The following LPL variants were observed in gnomAD, a reference collection of about 807,000 sequenced individuals.
LPL encodes the protein phospholipase A1.
Under a neutral mutation model 52.2 loss-of-function variants are expected in LPL, and 43 were observed. The observed-to-expected ratio is 0.82, with a 90% CI of 0.64 to 1.06. LPL has a LOEUF of 1.06. LPL is among the 50% of genes least tolerant of loss of function. LPL has a pLI of 0.00. For missense variants in LPL, 639 were observed against 585.3 expected (o/e 1.09, Z -0.95); for synonymous variants, 244 against 215.6 (o/e 1.13, Z -1.15).
chr8:19,948,051 G>A (rs1342742423), intron 1 of LPL, 129 bp from the exon 2 acceptor site: 16 of 958,914 alleles, frequency 1.7e-5, no homozygotes, highest in Non-Finnish European at 2.5e-5. Flanking sequence ...ATCCACATTC[G>A]TTTTCGAAAA....
chr8:19,960,404 G>A (rs2070027520), intron 7 of LPL, among the ~76,000 whole-genome samples: 1 of 152,092 alleles, frequency 6.6e-6, no homozygotes, highest in Non-Finnish European at 1.5e-5. Flanking sequence ...TAGAAACCCA[G>A]TATCCAACAT....
intron 1 of LPL, 122 bp from the exon 2 acceptor site, chr8:19,948,058 A>G (rs2128836950): frequency 2.7e-6 from 3 of 1,095,632 alleles, no homozygotes; most frequent in South Asian, 1.3e-5. Flanking sequence ...TTCGTTTTCG[A>G]AAACACTTCA....
chr8:19,964,506 G>A (rs1364603398), intron 9 of LPL, among the ~76,000 whole-genome samples: 1 of 152,124 alleles, frequency 6.6e-6, no homozygotes, highest in Non-Finnish European at 1.5e-5. Context: ...GACAGAGAAT[G>A]TTCAGATGCG....
At chr8:19,948,695 A>G (rs919722219) in intron 2 of LPL, among the ~76,000 whole-genome samples, 1 of 152,182 alleles carries the variant, frequency 6.6e-6, no homozygotes, top group South Asian at 2.1e-4. Context: ...GCACATTGCC[A>G]GGAGAACCTT....
chr8:19,963,703 G>A (rs920452066), intron 9 of LPL, among the ~76,000 whole-genome samples: 2 of 152,054 alleles, frequency 1.3e-5, no homozygotes, highest in African/African-American at 4.8e-5. Context: ...GAATTATGGT[G>A]TATATACTCT....
chr8:19,964,209 C>T (rs1325130196), intron 9 of LPL, among the ~76,000 whole-genome samples: 1 of 152,134 alleles, frequency 6.6e-6, no homozygotes, highest in Admixed American at 6.5e-5. Flanking sequence ...GCCTCGGCCT[C>T]CCAAAGTGCT....
At chr8:19,947,402 G>C (rs930344499) in intron 1 of LPL, among the ~76,000 whole-genome samples, 5 of 152,082 alleles carry the variant, frequency 3.3e-5, no homozygotes, top group Non-Finnish European at 5.9e-5. Flanking sequence ...CATTTTAAGA[G>C]GCTGAGGCGG....
At chr8:19,943,044 A>T (rs962592782) in intron 1 of LPL, among the ~76,000 whole-genome samples, 1 of 152,226 alleles carries the variant, frequency 6.6e-6, no homozygotes, top group African/African-American at 2.4e-5. Context: ...TGACAGTAGA[A>T]TAGAACAAAG....
rs182193170 is a variant in LPL, at chr8:19,939,378, C to T, written c.-63C>T. 44 of 1,514,108 alleles carry T rather than the reference C, an allele frequency of 2.9e-5. No homozygotes were observed. The highest frequency in any genetic ancestry group is 3.9e-5 in the Non-Finnish European group (43 of 1,114,470). The allele number at this position is 1,514,108 out of a possible 1,614,324, so 93.8% of individuals were successfully genotyped here. A position where few individuals can be genotyped will look rare whatever the true frequency, so the allele number is the denominator to read the frequency against. ...CGCGGCTCCAGCCCTCTCCAGCCTC[C>T]GGCTCAGCCGGCTCATCAGTCGGTC... On this transcript the variant is annotated 5_prime_UTR_variant, in exon 1 of 10. Transcript: ENST00000650287. The surrounding 1 kb of genome is among the most constrained non-coding windows in gnomAD (Gnocchi z 4.0).
chr8:19,958,390 T>C (rs1442930468), intron 6 of LPL, among the ~76,000 whole-genome samples: 2 of 151,822 alleles, frequency 1.3e-5, no homozygotes, highest in Admixed American at 1.3e-4. Context: ...TTTTAACCTC[T>C]CCCCAGGCCC....
intron 1 of LPL, among the ~76,000 whole-genome samples, chr8:19,943,517 C>T (rs1037070801): frequency 6.6e-6 from 1 of 152,194 alleles, no homozygotes; most frequent in African/African-American, 2.4e-5. Flanking sequence ...CATGGACTTT[C>T]ATTGTGTTAG....
At chr8:19,948,464 G>A in intron 2 of LPL, 124 bp downstream of exon 2, 1 of 1,139,856 alleles carries the variant, frequency 8.8e-7, no homozygotes, top group Non-Finnish European at 1.2e-6. Context: ...CCTTACACTT[G>A]AATAAAGACA....
chr8:19,962,390 G>T (rs539761400), intron 9 of LPL, among the ~76,000 whole-genome samples, 171 bp downstream of exon 9: 1 of 152,302 alleles, frequency 6.6e-6, no homozygotes, highest in Admixed American at 6.5e-5. Flanking sequence ...TGGGTCTGTT[G>T]CTTTATGCAA....
At position 19,966,782 on chromosome 8, in the gene LPL, T is replaced by A. The variant is rs916655220; in HGVS notation, c.*1472T>A. 1.3e-5 allele frequency: 2 copies of A among 152,214 alleles called. No homozygotes were observed. The highest frequency in any genetic ancestry group is 4.8e-5 in the African/African-American group (2 of 41,450). The allele number at this position is 152,214 out of a possible 1,614,324, so 9.4% of individuals were successfully genotyped here. ...GAGAGATGATCGTGCCTATAAATAG[T>A]AGGACCAATGTTGTGATTAACATCA... is the stretch of plus-strand genomic sequence containing the variant. On this transcript the variant is annotated 3_prime_UTR_variant, in exon 10 of 10. Transcript: ENST00000650287.
rs2070034219 is a variant in LPL at position 19,961,070 on chromosome 8, G to A, written c.1309G>A (p.Glu437Lys). 6.2e-7 allele frequency: 1 copy of A among 1,614,026 alleles called. No individual in the cohort carries two copies. Among genetic ancestry groups the A allele is most frequent in the Non-Finnish European group, 8.5e-7 (1 of 1,180,006 alleles). ...AIQKIRVKAG[E>K]TQKKVIFCSR... Reference sequence around the variant, plus strand: ...TCAGAAGATCAGAGTAAAAGCAGGAGAGACTCAGAAAAAGTAATTAAATGT... The same window carrying A: ...TCAGAAGATCAGAGTAAAAGCAGGAAAGACTCAGAAAAAGTAATTAAATGT... Residue 437 changes from glutamate to lysine, a missense_variant, in exon 8 of 10, where the codon GAG (glutamate) becomes AAG (lysine). Transcript: ENST00000650287.
chr8:19,959,734 C>G (rs1408359951), intron 7 of LPL, among the ~76,000 whole-genome samples: 2 of 127,430 alleles, frequency 1.6e-5, no homozygotes, highest in Non-Finnish European at 3.2e-5. Flanking sequence ...ATAATATGTA[C>G]AGAAAATATA....
Position 19,954,345 on chromosome 8 carries a change from G to T in LPL, c.767G>T (p.Gly256Val). The T allele has an allele frequency of 6.2e-7, 1 of 1,613,366 alleles. No individual in the cohort carries two copies. The highest frequency in any genetic ancestry group is 8.5e-7 in the Non-Finnish European group (1 of 1,179,290). The stretch of plus-strand genomic sequence containing the variant: ...GCTATCCGCGTGATTGCAGAGAGAG[G>T]ACTTGGAGGTAAATATTATTTAGAA... ...GEAIRVIAER[G>V]LGDVDQLVKC... The change falls in exon 5 of 10, where the codon GGA becomes GTA. Residue 256 changes from glycine to valine, a missense_variant. Transcript: ENST00000650287.
intron 1 of LPL, among the ~76,000 whole-genome samples, chr8:19,943,817 G>A (rs1198654915): frequency 3.3e-5 from 5 of 151,992 alleles, no homozygotes; most frequent in African/African-American, 1.2e-4. Context: ...CCCTAATATT[G>A]GAGAAAATTC....
rs2069938534 is a variant in LPL, at chr8:19,951,959, G to A, written c.429+11G>A. ...ATCAACTGGATGGAGGTAAGACTGG[G>A]AGAAGGAGACTTATGTGTCCAAAAC... On this transcript the variant is annotated intron_variant, in intron 3 of 9. Transcript: ENST00000650287. 2 of 1,614,172 alleles carry A rather than the reference G, an allele frequency of 1.2e-6. No homozygotes were observed. Among genetic ancestry groups the A allele is most frequent in the Non-Finnish European group, 1.7e-6 (2 of 1,180,030 alleles).
Sources: gnomAD v4.1 joint callset for allele counts (sites outside exome capture counted in the v4.1 genomes callset) on GRCh38, gnomAD v4.1.1 for gene constraint, Gnocchi (gnomAD v3.1) non-coding constraint, MANE v1.5 for transcripts, NCBI Gene and HGNC (gene_info 2026-07-23, HGNC 2026-07-21) for gene names.